Variants in PKIA observed in about 807,000 individuals in gnomAD.
PKIA encodes the protein cAMP-dependent protein kinase inhibitor alpha.
Under a neutral mutation model 7.6 loss-of-function variants are expected in PKIA, and 4 were observed. That is an observed-to-expected ratio of 0.52 (90% CI 0.26 to 1.20). The LOEUF is 1.20. PKIA is among the 50% of genes most tolerant of loss of function. The pLI is 0.13. For synonymous variants in PKIA, 21 were observed against 30.7 expected (o/e 0.68, Z 1.04); for missense variants, 73 against 86.2 (o/e 0.85, Z 0.61).
intron 1 of PKIA, among the ~76,000 whole-genome samples, chr8:78,553,697 C>T (rs1423194322): frequency 6.6e-6 from 1 of 150,654 alleles, no homozygotes; most frequent in Non-Finnish European, 1.5e-5. Context: ...TAATATGCCG[C>T]AGCTTTTTGT....
chr8:78,550,157 A>G (rs1038831922), intron 1 of PKIA, among the ~76,000 whole-genome samples: 1 of 152,134 alleles, frequency 6.6e-6, no homozygotes, highest in Non-Finnish European at 1.5e-5. Flanking sequence ...AAAGGGAGGC[A>G]AGTTTTTAAA....
chr8:78,585,447 T>C (rs899046069), intron 2 of PKIA, among the ~76,000 whole-genome samples: 1 of 152,110 alleles, frequency 6.6e-6, no homozygotes, highest in African/African-American at 2.4e-5. Context: ...TATTACACAT[T>C]GTACTGAAGA....
At position 78,521,522 on chromosome 8, in the gene PKIA, CAG is replaced by C. The variant is rs1280902433; in HGVS notation, c.-157+5058_-157+5059del. ...AACAACATTAGTCTGGAAAAAAAAA[CAG>C]AGATGGAAAGATAGAAAACTCAAAA... is the stretch of plus-strand genomic sequence containing the variant. On this transcript the variant is annotated intron_variant, in intron 1 of 3. Transcript: ENST00000396418. 4.0e-5 allele frequency among the ~76,000 whole-genome samples: 6 copies of C among 151,680 alleles called. No homozygotes were observed. In the East Asian group the frequency reaches 7.7e-4, roughly 20 times the overall value.
chr8:78,559,670 T>C (rs899228981), intron 1 of PKIA, among the ~76,000 whole-genome samples: 2 of 152,208 alleles, frequency 1.3e-5, no homozygotes, highest in Admixed American at 6.5e-5. Flanking sequence ...CCCGAGCTCA[T>C]TGATACAGCC....
chr8:78,537,766 C>G (rs1019850447), intron 1 of PKIA, among the ~76,000 whole-genome samples: 2 of 151,956 alleles, frequency 1.3e-5, no homozygotes, highest in African/African-American at 2.4e-5. Flanking sequence ...GTAGATTATC[C>G]ACTGCAAATT....
At chr8:78,550,845 A>G (rs554409663) in intron 1 of PKIA, among the ~76,000 whole-genome samples, 1 of 152,024 alleles carries the variant, frequency 6.6e-6, no homozygotes, top group African/African-American at 2.4e-5. Flanking sequence ...CCCAAAGTTC[A>G]TTGTATCATT....
intron 2 of PKIA, 30 bp from the exon 3 acceptor site, chr8:78,598,328 T>G (rs1167059378): frequency 3.6e-6 from 5 of 1,378,652 alleles, no homozygotes; most frequent in Non-Finnish European, 4.1e-6. Flanking sequence ...TACCATTATA[T>G]TCACCTATTA....
At chr8:78,553,864 C>G (rs1247659658) in intron 1 of PKIA, among the ~76,000 whole-genome samples, 4 of 151,582 alleles carry the variant, frequency 2.6e-5, no homozygotes, top group Non-Finnish European at 1.5e-5. Flanking sequence ...ACAACAAAAT[C>G]TTGGAAAACA....
At position 78,601,839 on chromosome 8, in the gene PKIA, C is replaced by A; in HGVS notation, c.*18C>A. 6.4e-7 allele frequency: 1 copy of A among 1,568,092 alleles called. No individual in the cohort carries two copies. The highest frequency in any genetic ancestry group is 8.8e-7 in the Non-Finnish European group (1 of 1,139,268). On this transcript the variant is annotated 3_prime_UTR_variant, in exon 4 of 4. Coordinates refer to ENST00000396418, the MANE Select transcript of PKIA (RefSeq NM_006823.4). ...AAAGCTAACACCCCACTTTGACCCTCGACCACACCTGAAAATGTCTCAAAT... is the reference window on the plus strand; with the variant it reads ...AAAGCTAACACCCCACTTTGACCCTAGACCACACCTGAAAATGTCTCAAAT...
chr8:78,564,766 T>C (rs1485610809), intron 1 of PKIA, among the ~76,000 whole-genome samples: 1 of 151,930 alleles, frequency 6.6e-6, no homozygotes, highest in Non-Finnish European at 1.5e-5. Context: ...AAGCAAATTA[T>C]ATCCAATTAG....
rs1808416707 is a variant in PKIA, at chr8:78,604,010, CCAAG to C, written c.*2191_*2194del. On this transcript the variant is annotated 3_prime_UTR_variant, in exon 4 of 4. Transcript: ENST00000396418. ...GCTATATTCAAACCCAAAGGCATTC[CCAAG>C]CTAGGGAGATAAAAATTAATTTTCT... 1 of 151,906 alleles carries C rather than the reference CCAAG, an allele frequency of 6.6e-6. No homozygotes were observed. Among genetic ancestry groups the C allele is most frequent in the Non-Finnish European group, 1.5e-5 (1 of 67,932 alleles). The allele number at this position is 151,906 out of a possible 1,614,324, so 9.4% of individuals were successfully genotyped here. A position where few individuals can be genotyped will look rare whatever the true frequency, so the allele number is the denominator to read the frequency against.
intron 2 of PKIA, among the ~76,000 whole-genome samples, chr8:78,578,444 T>C (rs1807727131): frequency 6.6e-6 from 1 of 152,012 alleles, no homozygotes; most frequent in Admixed American, 6.6e-5. Flanking sequence ...ATGAACACTT[T>C]TGTTTCAAAT....
At chr8:78,595,013 A>G (rs2130267314) in intron 2 of PKIA, among the ~76,000 whole-genome samples, 1 of 152,288 alleles carries the variant, frequency 6.6e-6, no homozygotes, top group South Asian at 2.1e-4. Context: ...AGAATTTCTG[A>G]GCAACTCCAT....
At chr8:78,582,526 T>C (rs929068736) in intron 2 of PKIA, among the ~76,000 whole-genome samples, 18 of 152,094 alleles carry the variant, frequency 1.2e-4, no homozygotes, top group African/African-American at 3.9e-4. Context: ...GTGAGGATTA[T>C]GGAATTACAA....
At chr8:78,562,088 T>C (rs1455033788) in intron 1 of PKIA, among the ~76,000 whole-genome samples, 2 of 152,160 alleles carry the variant, frequency 1.3e-5, no homozygotes, top group Admixed American at 1.3e-4. Flanking sequence ...ATAAAACCTC[T>C]TATCGAGCCT....
intron 3 of PKIA, among the ~76,000 whole-genome samples, chr8:78,599,778 C>T (rs1169231476): frequency 6.6e-6 from 1 of 151,820 alleles, no homozygotes; most frequent in African/African-American, 2.4e-5. Context: ...ATTTTTCATA[C>T]AAATATGCTA....
intron 1 of PKIA, among the ~76,000 whole-genome samples, chr8:78,564,983 A>G (rs2118530248): frequency 6.6e-6 from 1 of 151,976 alleles, no homozygotes; most frequent in Middle Eastern, 3.4e-3. Flanking sequence ...TATTTTTAGT[A>G]TGGTTCTTTT....
chr8:78,534,075 TTC>T (rs1193434627), intron 1 of PKIA: 1 of 152,136 alleles, frequency 6.6e-6, no homozygotes, highest in Non-Finnish European at 1.5e-5. Flanking sequence ...ACTTTATAGT[TTC>T]TCACTTAAGA....
At chr8:78,578,126 TACTC>T (rs1158016440) in intron 2 of PKIA, among the ~76,000 whole-genome samples, 2 of 151,996 alleles carry the variant, frequency 1.3e-5, no homozygotes, top group Admixed American at 6.6e-5. Context: ...TAATAAATAA[TACTC>T]AGTAATCAGA....
Sources: gnomAD v4.1 joint callset for allele counts (sites outside exome capture counted in the v4.1 genomes callset) on GRCh38, gnomAD v4.1.1 for gene constraint, MANE v1.5 for transcripts, NCBI Gene and HGNC (gene_info 2026-07-23, HGNC 2026-07-21) for gene names.